NRG1: variants seen among roughly 807,000 people sequenced by gnomAD.
NRG1 encodes neuregulin 1.
Under a neutral mutation model 63.8 loss-of-function variants are expected in NRG1, and 18 were observed. The observed-to-expected ratio is 0.28, with a 90% CI of 0.19 to 0.42. The LOEUF (loss-of-function observed/expected upper bound fraction) is 0.42, where lower values mean the gene tolerates loss of function less well. Ranked by LOEUF, NRG1 falls within the 10% of genes least tolerant of loss-of-function variation. NRG1 has a pLI of 1.00. For synonymous variants in NRG1, 302 were observed against 301.3 expected (o/e 1.00, Z -0.02); for missense variants, 762 against 814.7 (o/e 0.94, Z 0.79).
chr8:31,947,306 C>CAAAA (rs61713691), intron 1 of NRG1, among the ~76,000 whole-genome samples: 9 of 132,718 alleles, frequency 6.8e-5, no homozygotes, highest in East Asian at 3.2e-4. Context: ...GACTCCGTCT[C>CAAAA]AAAAAAAAAA....
At chr8:31,801,814 T>G (rs2131724243) in intron 1 of NRG1, among the ~76,000 whole-genome samples, 1 of 152,358 alleles carries the variant, frequency 6.6e-6, no homozygotes, top group East Asian at 1.9e-4. Context: ...CTTATAAAAG[T>G]CCTGATTGTT....
At chr8:31,683,953 A>C (rs1808604809) in intron 1 of NRG1, among the ~76,000 whole-genome samples, 1 of 152,208 alleles carries the variant, frequency 6.6e-6, no homozygotes. Flanking sequence ...AGTTAGGATT[A>C]AGAGAATTAA....
At chr8:32,372,536 A>C (rs1311475369) in intron 1 of NRG1, among the ~76,000 whole-genome samples, 1 of 152,212 alleles carries the variant, frequency 6.6e-6, no homozygotes, top group Non-Finnish European at 1.5e-5. Context: ...TTTGGTGTAT[A>C]CAAATGTCAC....
intron 1 of NRG1, among the ~76,000 whole-genome samples, chr8:32,470,350 T>A (rs1156653173): frequency 1.3e-5 from 2 of 151,712 alleles, no homozygotes; most frequent in Admixed American, 1.3e-4. Context: ...CCGGCTAATT[T>A]ATTTATTTTT....
chr8:31,659,843 A>T (rs950208625), intron 1 of NRG1, among the ~76,000 whole-genome samples: 9 of 152,198 alleles, frequency 5.9e-5, no homozygotes, highest in African/African-American at 2.2e-4. Context: ...GCTACCAAAA[A>T]GTGGACATAC....
chr8:32,692,657 G>T (rs1015948299), intron 5 of NRG1, among the ~76,000 whole-genome samples: 1 of 152,170 alleles, frequency 6.6e-6, no homozygotes, highest in Non-Finnish European at 1.5e-5. Flanking sequence ...GGGCCCAAAT[G>T]AGCTTTCTCT....
At chr8:31,979,793 G>A (rs923484783) in intron 1 of NRG1, among the ~76,000 whole-genome samples, 1 of 151,978 alleles carries the variant, frequency 6.6e-6, no homozygotes, top group African/African-American at 2.4e-5. Flanking sequence ...GATTTTCTCA[G>A]ACTCATCTAA....
intron 1 of NRG1, among the ~76,000 whole-genome samples, chr8:31,830,791 A>C (rs1017710193): frequency 1.3e-5 from 2 of 152,114 alleles, no homozygotes; most frequent in Non-Finnish European, 2.9e-5. Context: ...AAGAAAAGAA[A>C]AGAACTTCTG....
rs184710029 is a variant in NRG1 at position 32,644,006 on chromosome 8, G to A, written c.502+27121G>A. 4.6e-5 allele frequency among the ~76,000 whole-genome samples: 7 copies of A among 152,142 alleles called. No homozygotes were observed. The East Asian group carries it at 5.8e-4, about 13-fold the overall frequency. The stretch of plus-strand genomic sequence containing the variant: ...CAGCAGAAATAGGATGAATCAGAAC[G>A]TACTCAAATCTTGGCCACATAGCTA... On this transcript the variant is annotated intron_variant, in intron 5 of 11. Transcript: ENST00000356819.
intron 1 of NRG1, among the ~76,000 whole-genome samples, chr8:31,873,242 T>G (rs1365180306): frequency 6.6e-6 from 1 of 152,134 alleles, no homozygotes; most frequent in Admixed American, 6.6e-5. Context: ...TTTATTTCAC[T>G]GCTAGAGCAA....
intron 1 of NRG1, among the ~76,000 whole-genome samples, chr8:32,131,335 T>C (rs749689415): frequency 1.3e-5 from 2 of 152,042 alleles, no homozygotes; most frequent in Non-Finnish European, 2.9e-5. Flanking sequence ...AAGTAGACTG[T>C]AGTTTTGTCA....
At chr8:31,644,579 G>A (rs1032290027) in intron 1 of NRG1, among the ~76,000 whole-genome samples, 2 of 152,146 alleles carry the variant, frequency 1.3e-5, no homozygotes, top group Non-Finnish European at 2.9e-5. Flanking sequence ...TTAAAACAGT[G>A]AGCTGTACTT....
intron 5 of NRG1, among the ~76,000 whole-genome samples, chr8:32,618,943 T>G (rs891639967): frequency 2.6e-5 from 4 of 152,156 alleles, no homozygotes; most frequent in Non-Finnish European, 5.9e-5. Context: ...CTGGGCATGG[T>G]CGCTCATGCC....
intron 1 of NRG1, among the ~76,000 whole-genome samples, chr8:32,354,798 TTTAA>T (rs1563351579): frequency 6.8e-6 from 1 of 146,308 alleles, no homozygotes. Flanking sequence ...AGCTGCTTTT[TTTAA>T]AAAAAAAAAA....
intron 1 of NRG1, among the ~76,000 whole-genome samples, chr8:31,674,089 T>C (rs1345460031): frequency 6.6e-6 from 1 of 152,212 alleles, no homozygotes; most frequent in Non-Finnish European, 1.5e-5. Flanking sequence ...TGTAAAGTTA[T>C]TGAGGTTCAT....
intron 1 of NRG1, among the ~76,000 whole-genome samples, chr8:32,216,479 T>C (rs1171369207): frequency 2.0e-5 from 3 of 149,132 alleles, no homozygotes; most frequent in Non-Finnish European, 3.0e-5. Flanking sequence ...CATGATATTA[T>C]ATATAAATTG....
intron 1 of NRG1, among the ~76,000 whole-genome samples, chr8:32,470,033 T>A (rs1823603883): frequency 2.6e-5 from 1 of 37,946 alleles, no homozygotes; most frequent in African/African-American, 1.3e-4. Context: ...CCAGCTAATT[T>A]TTTTTTTTTT....
intron 1 of NRG1, among the ~76,000 whole-genome samples, chr8:31,733,787 C>A (rs951724900): frequency 6.6e-6 from 1 of 152,100 alleles, no homozygotes; most frequent in South Asian, 2.1e-4. Flanking sequence ...TAAGAGTGAA[C>A]CTCTCTGCCC....
chr8:32,217,829 A>G lies in NRG1; in HGVS notation c.38-377999A>G, dbSNP rs144482924. On this transcript the variant is annotated intron_variant, in intron 1 of 10. Coordinates refer to the NRG1 transcript ENST00000519301. Reference sequence around the variant, plus strand: ...CATAGAACAAAACAGTCCTGCCCCCATGAAGTTTCATTCTAGCTTACCCCT... The same window carrying G: ...CATAGAACAAAACAGTCCTGCCCCCGTGAAGTTTCATTCTAGCTTACCCCT... Among the ~76,000 whole-genome samples the G allele has an allele frequency of 2.6e-3, 398 of 152,270 alleles. 3 individuals are homozygous for G. Among genetic ancestry groups the G allele is most frequent in the African/African-American group, 9.2e-3 (382 of 41,560 alleles).
Sources: allele counts gnomAD v4.1 joint callset (sites outside exome capture counted in the v4.1 genomes callset), GRCh38; gene constraint gnomAD v4.1.1; transcripts MANE v1.5; gene names NCBI Gene and HGNC (gene_info 2026-07-23, HGNC 2026-07-21).